Variants in SDHAF4 observed in about 807,000 individuals in gnomAD.
The protein encoded by SDHAF4 is succinate dehydrogenase complex assembly factor 4.
Under a neutral mutation model 14.3 loss-of-function variants are expected in SDHAF4, and 14 were observed. The ratio of observed to expected loss-of-function variants is 0.98; its 90% CI spans 0.65 to 1.53. The LOEUF (loss-of-function observed/expected upper bound fraction) is 1.53, where lower values mean the gene tolerates loss of function less well. Ranked by LOEUF, SDHAF4 falls within the 40% of genes most tolerant of loss-of-function variation. The probability of loss-of-function intolerance (pLI) is 0.00; values close to 1 mark genes in which losing one functional copy is unlikely to be tolerated. For missense variants in SDHAF4, 141 were observed against 129.3 expected (o/e 1.09, Z -0.44); for synonymous variants, 63 against 47.3 (o/e 1.33, Z -1.36).
intron 1 of SDHAF4, among the ~76,000 whole-genome samples, chr6:70,575,943 GT>G (rs2128534503): frequency 6.6e-6 from 1 of 152,226 alleles, no homozygotes; most frequent in East Asian, 1.9e-4. Flanking sequence ...TGTAGTCGAG[GT>G]AGTCAAAAGT....
intron 2 of SDHAF4, among the ~76,000 whole-genome samples, 183 bp downstream of exon 2, chr6:70,579,749 G>T (rs533702594): frequency 3.7e-4 from 56 of 152,186 alleles, no homozygotes; most frequent in African/African-American, 1.3e-3. Flanking sequence ...TAATAAAAAA[G>T]ATTTTCAAGA....
chr6:70,593,510 C>G (rs1765276716), downstream of SDHAF4, among the ~76,000 whole-genome samples: 1 of 152,168 alleles, frequency 6.6e-6, no homozygotes, highest in African/African-American at 2.4e-5. Flanking sequence ...GTATGCAACA[C>G]CAGCCTGGAA....
downstream of SDHAF4, among the ~76,000 whole-genome samples, chr6:70,593,704 G>A (rs1765278871): frequency 6.6e-6 from 1 of 152,110 alleles, no homozygotes; most frequent in South Asian, 2.1e-4. Flanking sequence ...GTGTGTGTGT[G>A]TGATGGAGTC....
intron 1 of SDHAF4, among the ~76,000 whole-genome samples, chr6:70,572,975 ACTTTTTT>A (rs1205913034): frequency 6.6e-6 from 1 of 152,036 alleles, no homozygotes; most frequent in African/African-American, 2.4e-5. Context: ...TTCTGGGAAC[ACTTTTTT>A]CTTTTTTCTG....
chr6:70,580,032 A>G (rs905973932), intron 2 of SDHAF4, among the ~76,000 whole-genome samples: 1 of 151,828 alleles, frequency 6.6e-6, no homozygotes, highest in Non-Finnish European at 1.5e-5. Context: ...TAACTTATAT[A>G]TTTTGCTATA....
intron 2 of SDHAF4, among the ~76,000 whole-genome samples, chr6:70,583,216 G>T (rs765002829): frequency 6.6e-6 from 1 of 152,174 alleles, no homozygotes; most frequent in East Asian, 1.9e-4. Context: ...GGGTTCAAGC[G>T]ATTCTCCTGC....
At chr6:70,597,426 G>T in the SDHAF4 span, among the ~76,000 whole-genome samples, 40 of 151,202 alleles carry the variant, frequency 2.6e-4, 1 homozygote, top group African/African-American at 8.5e-4. Context: ...TGGGATTACA[G>T]GCATGAGGCA....
chr6:70,579,649 A>T, intron 2 of SDHAF4, 83 bp downstream of exon 2: 1 of 1,185,472 alleles, frequency 8.4e-7, no homozygotes, highest in East Asian at 2.7e-5. Flanking sequence ...AAAGGAAAGA[A>T]ATTTGTTATT....
chr6:70,580,541 A>G (rs141721299), intron 2 of SDHAF4, among the ~76,000 whole-genome samples: 414 of 152,350 alleles, frequency 2.7e-3, no homozygotes, highest in African/African-American at 9.2e-3. Context: ...TGTTCATAGT[A>G]TTATTAACAG....
intron 1 of SDHAF4, among the ~76,000 whole-genome samples, chr6:70,570,384 G>T (rs991289307): frequency 2.0e-5 from 3 of 151,882 alleles, no homozygotes; most frequent in Admixed American, 2.0e-4. Flanking sequence ...GTGCAGTGGC[G>T]CAATCTCTGC....
At chr6:70,581,768 C>T (rs1192402252) in intron 2 of SDHAF4, among the ~76,000 whole-genome samples, 3 of 152,060 alleles carry the variant, frequency 2.0e-5, no homozygotes, top group African/African-American at 7.2e-5. Context: ...CCACCATGCT[C>T]ACCTAATTTA....
At chr6:70,588,291 C>G (rs1375222562) in intron 2 of SDHAF4, among the ~76,000 whole-genome samples, 1 of 152,194 alleles carries the variant, frequency 6.6e-6, no homozygotes, top group Non-Finnish European at 1.5e-5. Flanking sequence ...GAGGCCGAGG[C>G]AGGCAGAACA....
chr6:70,590,691 A>T (rs759387672), downstream of SDHAF4, among the ~76,000 whole-genome samples: 1 of 152,208 alleles, frequency 6.6e-6, no homozygotes, highest in Non-Finnish European at 1.5e-5. Flanking sequence ...CTCTTCTGTG[A>T]TCACCCTATA....
At chr6:70,573,444 A>G (rs1480560510) in intron 1 of SDHAF4, among the ~76,000 whole-genome samples, 1 of 150,356 alleles carries the variant, frequency 6.7e-6, no homozygotes, top group African/African-American at 2.4e-5. Flanking sequence ...TTGTATTTCA[A>G]GTAGAGACGC....
chr6:70,588,842 A>AATATCTAT lies in SDHAF4; in HGVS notation c.*122_*123insCTATATAT. On this transcript the variant is annotated 3_prime_UTR_variant, in exon 3 of 3. Coordinates refer to ENST00000370474, the MANE Select transcript of SDHAF4 (RefSeq NM_145267.3). ...TCGTGTAGTTTGTATAATGTGTTTAAATATATATATATATGATGGCTTTGG... is the reference window on the plus strand; with the variant it reads ...TCGTGTAGTTTGTATAATGTGTTTAAATATCTATATATATATATATATGATGGCTTTGG... 2.9e-6 allele frequency: 1 copy of AATATCTAT among 339,216 alleles called. No individual in the cohort carries two copies. The highest frequency in any genetic ancestry group is 5.5e-6 in the Non-Finnish European group (1 of 181,986). 21.0% of individuals were successfully genotyped at this position (339,216 alleles called of 1,614,324 possible).
chr6:70,570,326 C>A (rs1237345205), intron 1 of SDHAF4, among the ~76,000 whole-genome samples: 1 of 152,102 alleles, frequency 6.6e-6, no homozygotes, highest in Non-Finnish European at 1.5e-5. Flanking sequence ...TTCTCCCTGT[C>A]TAATCCTTTT....
rs562643654 is a variant in SDHAF4, at chr6:70,586,712, A to G, written c.218-1903A>G. Among the ~76,000 whole-genome samples the G allele has an allele frequency of 3.9e-5, 6 of 152,284 alleles. No homozygotes were observed. The South Asian group carries it at 6.2e-4, about 16-fold the overall frequency. On this transcript the variant is annotated intron_variant, in intron 2 of 2. Transcript: ENST00000370474. ...ATAAAACACACAAAAAAATTATACC[A>G]TAATGAAGCTTAACATTTTAGTGGG...
chr6:70,569,660 A>G (rs1254213020), intron 1 of SDHAF4, among the ~76,000 whole-genome samples: 1 of 152,226 alleles, frequency 6.6e-6, no homozygotes, highest in Non-Finnish European at 1.5e-5. Flanking sequence ...TGTCACTGCT[A>G]GGCAGAATAG....
intron 1 of SDHAF4, 88 bp downstream of exon 1, chr6:70,567,092 G>A (rs1802107275): frequency 2.3e-6 from 3 of 1,322,778 alleles, no homozygotes; most frequent in South Asian, 2.6e-5. Context: ...AGGAAGCCGC[G>A]TGTGTCCTGG....
Sources: allele counts gnomAD v4.1 joint callset (sites outside exome capture counted in the v4.1 genomes callset), GRCh38; gene constraint gnomAD v4.1.1; transcripts MANE v1.5; gene names NCBI Gene and HGNC (gene_info 2026-07-23, HGNC 2026-07-21).